The following SLC44A5 variants were observed in gnomAD, a reference collection of about 807,000 sequenced individuals.
SLC44A5 encodes the protein choline transporter-like protein 5.
A neutral mutation model predicts 101.8 loss-of-function variants in SLC44A5; 57 were observed. The observed-to-expected ratio is 0.56, with a 90% CI of 0.45 to 0.70. The LOEUF (loss-of-function observed/expected upper bound fraction) is 0.70. Ranked by LOEUF, SLC44A5 falls within the 30% of genes least tolerant of loss-of-function variation. The pLI is 0.00. For synonymous variants in SLC44A5, 281 were observed against 290.9 expected, an observed-to-expected ratio of 0.97 and a Z score of 0.35; for missense variants, 737 against 853.1, an observed-to-expected ratio of 0.86 and a Z score of 1.70.
At chr1:75,291,207 A>G (rs1653515255) in intron 5 of SLC44A5, among the ~76,000 whole-genome samples, 1 of 152,192 alleles carries the variant, frequency 6.6e-6, no homozygotes, top group Admixed American at 6.5e-5. Flanking sequence ...TTTATTTAAG[A>G]TTTTGATTCA....
chr1:75,317,522 C>G (rs1398923605), intron 4 of SLC44A5, among the ~76,000 whole-genome samples: 1 of 152,188 alleles, frequency 6.6e-6, no homozygotes, highest in African/African-American at 2.4e-5. Context: ...CAATTAAAGA[C>G]AGGTTCTTAA....
At chr1:75,352,471 A>T (rs1195114131) in intron 3 of SLC44A5, among the ~76,000 whole-genome samples, 4 of 152,068 alleles carry the variant, frequency 2.6e-5, no homozygotes, top group African/African-American at 9.7e-5. Context: ...TTATAAAAAC[A>T]TGAGCAAGAG....
At chr1:75,517,327 GAA>G (rs1210444981) in intron 2 of SLC44A5, among the ~76,000 whole-genome samples, 1 of 151,930 alleles carries the variant, frequency 6.6e-6, no homozygotes, top group African/African-American at 2.4e-5. Context: ...GAGAGAGAGA[GAA>G]AGAGAGGCAG....
At chr1:75,703,432 G>T in the SLC44A5 span, among the ~76,000 whole-genome samples, 17 of 151,046 alleles carry the variant, frequency 1.1e-4, no homozygotes, top group Admixed American at 2.0e-4. Flanking sequence ...AACACCGCAT[G>T]TTCTCACTCA....
At chr1:75,242,216 C>T (rs1247065171) in intron 8 of SLC44A5, among the ~76,000 whole-genome samples, 155 bp from the exon 9 acceptor site, 2 of 152,032 alleles carry the variant, frequency 1.3e-5, no homozygotes, top group African/African-American at 4.8e-5. Context: ...TTATCACACA[C>T]ACAATCTTGC....
At chr1:75,467,537 A>T (rs1666888254) in intron 2 of SLC44A5, among the ~76,000 whole-genome samples, 1 of 152,194 alleles carries the variant, frequency 6.6e-6, no homozygotes, top group South Asian at 2.1e-4. Context: ...ACACACCTAC[A>T]GTGAACTCAT....
At chr1:75,275,160 A>T (rs1144298) in intron 5 of SLC44A5, 118 bp from the exon 6 acceptor site, 1 of 652,786 alleles carries the variant, frequency 1.5e-6, no homozygotes, top group Admixed American at 2.8e-5. Context: ...GTCACAGAAG[A>T]TTATTGATTT....
At chr1:75,433,610 T>C (rs1439398512) in intron 2 of SLC44A5, among the ~76,000 whole-genome samples, 2 of 152,170 alleles carry the variant, frequency 1.3e-5, no homozygotes, top group Non-Finnish European at 1.5e-5. Context: ...TCCAAATTTA[T>C]AATCTTAGTT....
the SLC44A5 span, among the ~76,000 whole-genome samples, chr1:75,699,170 T>C: frequency 6.6e-6 from 1 of 151,906 alleles, no homozygotes; most frequent in Non-Finnish European, 1.5e-5. Context: ...AAGATACTCC[T>C]CGAGAAGAGC....
chr1:75,269,128 G>A (rs1367813441), intron 6 of SLC44A5, among the ~76,000 whole-genome samples: 6 of 152,088 alleles, frequency 3.9e-5, no homozygotes, highest in African/African-American at 1.4e-4. Context: ...AAATTTACTT[G>A]ACAACCTATA....
chr1:75,286,999 C>T (rs6670367), intron 5 of SLC44A5, among the ~76,000 whole-genome samples: 1,793 of 152,194 alleles, frequency 0.012, 53 homozygotes, highest in African/African-American at 0.041. Context: ...CTAGCAAGGG[C>T]AGGGAAGTTT....
At chr1:75,707,353 C>A in the SLC44A5 span, among the ~76,000 whole-genome samples, 164 of 152,326 alleles carry the variant, frequency 1.1e-3, no homozygotes, top group Non-Finnish European at 2.0e-3. Context: ...CTGGAGTCAA[C>A]ACAACCTGTA....
intron 7 of SLC44A5, among the ~76,000 whole-genome samples, chr1:75,243,989 G>C (rs1030714336): frequency 1.3e-5 from 2 of 152,028 alleles, no homozygotes; most frequent in African/African-American, 4.8e-5. Context: ...TTCCTCACTA[G>C]CCATGTAATT....
chr1:75,495,726 C>G, intron 2 of SLC44A5, among the ~76,000 whole-genome samples: 1 of 151,930 alleles, frequency 6.6e-6, no homozygotes, highest in Non-Finnish European at 1.5e-5. Context: ...AGAGTGAAGA[C>G]AGCTTAAGGT....
At chr1:75,306,733 CTTTTTTT>C (rs771955227) in intron 4 of SLC44A5, among the ~76,000 whole-genome samples, 14 of 102,598 alleles carry the variant, frequency 1.4e-4, no homozygotes, top group African/African-American at 3.4e-4. Flanking sequence ...GGTTTCCTTT[CTTTTTTT>C]TTTTTTTTTT....
At chr1:75,402,484 T>C in intron 2 of SLC44A5, 1 of 377,374 alleles carries the variant, frequency 2.6e-6, no homozygotes, top group Non-Finnish European at 5.5e-6. Flanking sequence ...TGAACTGAGG[T>C]ACCCTGCTCA....
chr1:75,680,905 C>T, the SLC44A5 span, among the ~76,000 whole-genome samples: 21 of 150,194 alleles, frequency 1.4e-4, no homozygotes, highest in East Asian at 5.8e-4. Context: ...ATCAAATAGA[C>T]GCAATAAAAA....
intron 1 of SLC44A5, among the ~76,000 whole-genome samples, chr1:75,579,379 G>C (rs1418159570): frequency 2.0e-5 from 3 of 152,150 alleles, no homozygotes; most frequent in Non-Finnish European, 2.9e-5. Context: ...GGAATTCAAG[G>C]CTGCAGTGAG....
At chr1:75,481,517 C>T (rs1667853214) in intron 2 of SLC44A5, among the ~76,000 whole-genome samples, 1 of 146,924 alleles carries the variant, frequency 6.8e-6, no homozygotes, top group Non-Finnish European at 1.5e-5. Flanking sequence ...TGACAAAGGG[C>T]TAATATCCAG....
Sources: gnomAD v4.1 joint callset for allele counts (sites outside exome capture counted in the v4.1 genomes callset) on GRCh38, gnomAD v4.1.1 for gene constraint, MANE v1.5 for transcripts, NCBI Gene and HGNC (gene_info 2026-07-23, HGNC 2026-07-21) for gene names.